Variants in HYDIN observed in about 807,000 individuals in gnomAD.
HYDIN encodes the protein HYDIN axonemal central pair apparatus protein.
A neutral mutation model predicts 403.9 loss-of-function variants in HYDIN; 132 were observed. The observed-to-expected ratio is 0.33, with a 90% CI of 0.28 to 0.38. HYDIN has a LOEUF of 0.38. HYDIN is among the 10% of genes least tolerant of loss of function. The pLI, the probability that HYDIN is intolerant of heterozygous loss-of-function variation, is 1.00. For synonymous variants in HYDIN, 1,202 were observed against 1,891.7 expected (o/e 0.64, Z 9.46); for missense variants, 2,827 against 5,009.5 (o/e 0.56, Z 13.15).
At chr16:70,837,619 G>C in intron 77 of HYDIN, 71 bp downstream of exon 77, 3 of 1,561,716 alleles carry the variant, frequency 1.9e-6, no homozygotes, top group South Asian at 1.2e-5. Flanking sequence ...AAGGGGTTCT[G>C]GGGGGCAAAG....
chr16:71,041,251 A>G (rs1333475924), intron 18 of HYDIN, among the ~76,000 whole-genome samples: 3 of 149,276 alleles, frequency 2.0e-5, no homozygotes, highest in East Asian at 1.9e-4. Context: ...GCAAGAATCT[A>G]GGAGTGATAT....
At chr16:70,921,462 G>C in intron 45 of HYDIN, among the ~76,000 whole-genome samples, 1 of 152,172 alleles carries the variant, frequency 6.6e-6, no homozygotes, top group South Asian at 2.1e-4. Context: ...TTTTGGAAAA[G>C]GTGCAGAGTG....
intron 65 of HYDIN, 80 bp downstream of exon 65, chr16:70,871,957 C>T (rs1187521764): frequency 4.5e-6 from 5 of 1,113,878 alleles, no homozygotes; most frequent in East Asian, 4.8e-5. Flanking sequence ...TCCATGCATC[C>T]ACGGGAAAGG....
At chr16:70,810,695 T>C (rs2035435651) in intron 84 of HYDIN, among the ~76,000 whole-genome samples, 1 of 152,074 alleles carries the variant, frequency 6.6e-6, no homozygotes, top group South Asian at 2.1e-4. Context: ...CTGGGCGCAG[T>C]GGTGCGCACC....
intron 4 of HYDIN, among the ~76,000 whole-genome samples, chr16:71,178,395 G>A (rs1411122720): frequency 5.1e-5 from 7 of 137,654 alleles, no homozygotes; most frequent in African/African-American, 8.4e-5. Flanking sequence ...CTCCAGCCTG[G>A]GAAACAAGAG....
intron 45 of HYDIN, among the ~76,000 whole-genome samples, chr16:70,933,374 ATAGATGATGAGCT>A (rs1336470742): frequency 1.4e-5 from 2 of 147,328 alleles, no homozygotes; most frequent in East Asian, 4.0e-4. Context: ...GAAAGGCAGC[ATAGATGATGAGCT>A]TGGTGTGGGC....
At chr16:71,213,276 T>C (rs1359113845) in intron 1 of HYDIN, among the ~76,000 whole-genome samples, 1 of 152,076 alleles carries the variant, frequency 6.6e-6, no homozygotes, top group Non-Finnish European at 1.5e-5. Flanking sequence ...AGTGAAGTGA[T>C]TTAAAATGAA....
At position 70,802,491 on chromosome 16, in the gene HYDIN, G is replaced by A. The variant is rs751299842; in HGVS notation, c.*5089C>T. On this transcript the variant is annotated 3_prime_UTR_variant, in exon 86 of 86. Transcript: ENST00000393567. ...ACTGGAAGAGAGACTCTCCTGTAAG[G>A]AGTTTAGTCATATGGCCACAAAGGA... The A allele has an allele frequency of 6.6e-6, 1 of 152,224 alleles. No homozygotes were observed. Among genetic ancestry groups the A allele is most frequent in the Non-Finnish European group, 1.5e-5 (1 of 68,042 alleles). 9.4% of individuals were successfully genotyped at this position (152,224 alleles called of 1,614,324 possible).
chr16:71,136,098 G>T (rs1260769779), intron 8 of HYDIN, among the ~76,000 whole-genome samples: 2 of 146,870 alleles, frequency 1.4e-5, no homozygotes, highest in African/African-American at 5.0e-5. Flanking sequence ...AATTCAGGGA[G>T]GTTGGAAGGA....
chr16:71,003,791 T>TC (rs972935266), intron 23 of HYDIN, among the ~76,000 whole-genome samples: 1 of 149,680 alleles, frequency 6.7e-6, no homozygotes, highest in African/African-American at 2.5e-5. Context: ...AGGGCGAGAC[T>TC]CCATCTCAAA....
intron 10 of HYDIN, among the ~76,000 whole-genome samples, chr16:71,110,554 T>TTAGG (rs894848604): frequency 6.1e-5 from 9 of 147,482 alleles, no homozygotes; most frequent in African/African-American, 2.2e-4. Flanking sequence ...ACTATTTTGC[T>TTAGG]TAGGGATGAA....
intron 18 of HYDIN, among the ~76,000 whole-genome samples, chr16:71,044,091 CAACT>C: frequency 6.6e-6 from 1 of 150,442 alleles, no homozygotes; most frequent in African/African-American, 2.4e-5. Context: ...TTTAGATGCC[CAACT>C]AACAGTTTAT....
intron 1 of HYDIN, among the ~76,000 whole-genome samples, chr16:71,198,977 C>T (rs1281237984): frequency 1.3e-5 from 2 of 152,182 alleles, no homozygotes; most frequent in African/African-American, 2.4e-5. Context: ...GGTTGCCATC[C>T]AAACTTGCAA....
At chr16:71,010,898 G>C (rs1434855375) in intron 23 of HYDIN, among the ~76,000 whole-genome samples, 1 of 152,234 alleles carries the variant, frequency 6.6e-6, no homozygotes, top group Non-Finnish European at 1.5e-5. Context: ...GACAGGTAGG[G>C]AGGGGAGGCC....
chr16:70,998,475 T>C (rs1265353271), intron 23 of HYDIN, among the ~76,000 whole-genome samples: 1 of 147,122 alleles, frequency 6.8e-6, no homozygotes, highest in Non-Finnish European at 1.5e-5. Flanking sequence ...TCTCCTGCAG[T>C]TCCAATCTCA....
chr16:71,196,424 C>A (rs541834015), intron 1 of HYDIN, among the ~76,000 whole-genome samples: 1 of 152,282 alleles, frequency 6.6e-6, no homozygotes, highest in South Asian at 2.1e-4. Flanking sequence ...GCTGAGATAT[C>A]AATCTCTTGC....
chr16:71,073,086 T>A (rs1381545868), intron 13 of HYDIN, among the ~76,000 whole-genome samples: 2 of 152,288 alleles, frequency 1.3e-5, no homozygotes, highest in African/African-American at 4.8e-5. Flanking sequence ...CAGAAGCAGA[T>A]GACCTTCAGA....
intron 1 of HYDIN, among the ~76,000 whole-genome samples, chr16:71,195,816 G>A (rs986981657): frequency 5.9e-5 from 9 of 152,116 alleles, no homozygotes; most frequent in Non-Finnish European, 1.2e-4. Flanking sequence ...TTAAAGAAAA[G>A]GAAAATGCAG....
intron 10 of HYDIN, among the ~76,000 whole-genome samples, chr16:71,096,832 G>A (rs1299793108): frequency 9.6e-6 from 1 of 103,976 alleles, no homozygotes; most frequent in Non-Finnish European, 1.7e-5. Context: ...TTGATTGAGT[G>A]CTGATCAGTA....
Sources: allele counts gnomAD v4.1 joint callset (sites outside exome capture counted in the v4.1 genomes callset), GRCh38; gene constraint gnomAD v4.1.1; transcripts MANE v1.5; gene names NCBI Gene and HGNC (gene_info 2026-07-23, HGNC 2026-07-21).